Variants in DCAF8L2 observed in about 807,000 individuals in gnomAD.
The protein encoded by DCAF8L2 is DDB1- and CUL4-associated factor 8-like protein 2.
For missense variants in DCAF8L2, 430 were observed against 490.7 expected (o/e 0.88, Z 1.17); for synonymous variants, 200 against 190.9 (o/e 1.05, Z -0.39).
chrX:27,540,391 G>A, the DCAF8L2 span, among the ~76,000 whole-genome samples: 1 of 111,476 alleles, frequency 9.0e-6, no homozygotes, highest in Non-Finnish European at 1.9e-5. Flanking sequence ...TTCTAATGCA[G>A]AAGCAGCCAA....
chrX:27,597,148 T>C (rs1308149830), intron 1 of DCAF8L2, among the ~76,000 whole-genome samples: 1 of 112,101 alleles, frequency 8.9e-6, no homozygotes, highest in Non-Finnish European at 1.9e-5. Flanking sequence ...ATTACAATGA[T>C]GATTATATAT....
chrX:27,613,999 A>G (rs1168393271), intron 1 of DCAF8L2, among the ~76,000 whole-genome samples: 3 of 110,808 alleles, frequency 2.7e-5, no homozygotes, highest in Non-Finnish European at 3.8e-5. Flanking sequence ...CTCTTTTTCT[A>G]TTGTTTGGAA....
At chrX:27,600,261 CACTG>C (rs1477576565) in intron 1 of DCAF8L2, among the ~76,000 whole-genome samples, 2 of 111,887 alleles carry the variant, frequency 1.8e-5, no homozygotes, top group African/African-American at 6.5e-5. Context: ...GACAAGAAGA[CACTG>C]AATGAAGGCT....
intron 4 of DCAF8L2, among the ~76,000 whole-genome samples, chrX:27,741,261 A>C (rs994360293): frequency 4.5e-5 from 5 of 111,103 alleles, no homozygotes; most frequent in African/African-American, 1.6e-4. Flanking sequence ...TTCCTGATAT[A>C]ATTTGGATAT....
chrX:27,662,143 G>A (rs954056219), intron 2 of DCAF8L2, among the ~76,000 whole-genome samples: 3 of 111,399 alleles, frequency 2.7e-5, no homozygotes, highest in African/African-American at 9.8e-5. Context: ...GGGGAGAGGT[G>A]TAGCAAGTGA....
chrX:27,621,224 C>G (rs73530620), intron 1 of DCAF8L2, among the ~76,000 whole-genome samples: 8,987 of 110,903 alleles, frequency 0.081, 694 homozygotes, highest in African/African-American at 0.25. Flanking sequence ...TAGAGTTTCA[C>G]TTTTACAAGA....
chrX:27,539,138 C>T, the DCAF8L2 span, among the ~76,000 whole-genome samples: 1 of 112,125 alleles, frequency 8.9e-6, no homozygotes, highest in Admixed American at 9.5e-5. Context: ...CATGAGCCAC[C>T]ATGCCCCGCC....
intron 2 of DCAF8L2, among the ~76,000 whole-genome samples, chrX:27,663,040 G>T (rs1041062184): frequency 9.0e-6 from 1 of 111,040 alleles, no homozygotes; most frequent in Non-Finnish European, 1.9e-5. Flanking sequence ...CATATAATAG[G>T]TATTGCAATA....
chrX:27,533,234 G>GAGAAAGAA, the DCAF8L2 span, among the ~76,000 whole-genome samples: 56 of 33,730 alleles, frequency 1.7e-3, no homozygotes, highest in African/African-American at 3.4e-3. Flanking sequence ...AAGAAAGAAA[G>GAGAAAGAA]AGAAAGAAAG....
At chrX:27,515,573 A>G in the DCAF8L2 span, among the ~76,000 whole-genome samples, 20 of 111,938 alleles carry the variant, frequency 1.8e-4, no homozygotes, top group South Asian at 1.8e-3. Context: ...AACAAAAGGA[A>G]ATCCATATTG....
intron 3 of DCAF8L2, among the ~76,000 whole-genome samples, chrX:27,678,960 C>T (rs1299204061): frequency 9.0e-6 from 1 of 111,115 alleles, no homozygotes; most frequent in Non-Finnish European, 1.9e-5. Context: ...GTAAAATTGC[C>T]TAGTTTGAAT....
the DCAF8L2 span, among the ~76,000 whole-genome samples, chrX:27,572,674 G>C: frequency 8.9e-6 from 1 of 111,754 alleles, no homozygotes; most frequent in Non-Finnish European, 1.9e-5. Flanking sequence ...ATGGAGTATA[G>C]CCCAGTATTT....
the DCAF8L2 span, among the ~76,000 whole-genome samples, chrX:27,533,164 G>GAGGA: frequency 6.3e-3 from 109 of 17,351 alleles, 7 homozygotes; most frequent in Non-Finnish European, 0.013. Context: ...GAGAGAGAGA[G>GAGGA]AGAAAGAAAG....
chrX:27,491,369 A>G, the DCAF8L2 span, among the ~76,000 whole-genome samples: 2 of 111,994 alleles, frequency 1.8e-5, no homozygotes, highest in African/African-American at 3.2e-5. Flanking sequence ...AAGACTACCA[A>G]TTCCTCATTG....
At chrX:27,535,622 C>G in the DCAF8L2 span, among the ~76,000 whole-genome samples, 10 of 111,864 alleles carry the variant, frequency 8.9e-5, no homozygotes, top group African/African-American at 2.6e-4. Flanking sequence ...CCTCCTCTTC[C>G]TCATATTCTT....
At chrX:27,544,217 A>G in the DCAF8L2 span, among the ~76,000 whole-genome samples, 1 of 111,226 alleles carries the variant, frequency 9.0e-6, no homozygotes, top group Non-Finnish European at 1.9e-5. Context: ...GCCACCATAA[A>G]CTGTTTTGCC....
At chrX:27,528,922 T>G in the DCAF8L2 span, among the ~76,000 whole-genome samples, 1 of 111,830 alleles carries the variant, frequency 8.9e-6, no homozygotes, top group East Asian at 2.8e-4. Flanking sequence ...ATTACCTAAT[T>G]TCTGATCCTG....
At chrX:27,587,985 A>AAAAAAAATATATATAT, upstream of DCAF8L2, among the ~76,000 whole-genome samples, 6 of 22,369 alleles carry the variant, frequency 2.7e-4, no homozygotes, top group African/African-American at 5.9e-4. Flanking sequence ...TAAAAAAAAA[A>AAAAAAAATATATATAT]ATATATATAT....
At chrX:27,690,014 A>G (rs1164501485) in intron 3 of DCAF8L2, among the ~76,000 whole-genome samples, 1 of 111,805 alleles carries the variant, frequency 8.9e-6, no homozygotes, top group African/African-American at 3.2e-5. Context: ...CCATATAATT[A>G]TATATGCATA....
Sources: allele counts gnomAD v4.1 joint callset (sites outside exome capture counted in the v4.1 genomes callset), GRCh38; gene constraint gnomAD v4.1.1; transcripts MANE v1.5; gene names NCBI Gene and HGNC (gene_info 2026-07-23, HGNC 2026-07-21).